Variants in WDR64 observed in about 807,000 individuals in gnomAD.
WDR64 encodes the protein WD repeat-containing protein 64.
Under a neutral mutation model 139.3 loss-of-function variants are expected in WDR64, and 112 were observed. That is an observed-to-expected ratio of 0.80 (90% CI 0.69 to 0.94). The LOEUF is 0.94. Ranked by LOEUF, WDR64 falls within the 40% of genes least tolerant of loss-of-function variation. The pLI is 0.00. For synonymous variants in WDR64, 444 were observed against 437.7 expected, an observed-to-expected ratio of 1.01 and a Z score of -0.18; for missense variants, 1,206 against 1,293.1, an observed-to-expected ratio of 0.93 and a Z score of 1.03.
chr1:241,679,532 A>C lies in WDR64; in HGVS notation c.561A>C (p.Arg187=). 6.4e-7 allele frequency: 1 copy of C among 1,551,602 alleles called. No individual in the cohort carries two copies. Among genetic ancestry groups the C allele is most frequent in the Non-Finnish European group, 8.7e-7 (1 of 1,146,892 alleles). Reference sequence around the variant, plus strand: ...GTGATTACCTCTTGCAGCTGAAACGAATCGTAGCCACAACCGAAAGGACCA... The same window carrying C: ...GTGATTACCTCTTGCAGCTGAAACGCATCGTAGCCACAACCGAAAGGACCA... ...TGCDYLLQLK[R]IVATTERTII... Residue 187 remains arginine (R), a synonymous_variant, in exon 6 of 28, where the codon CGA becomes CGC. Transcript: ENST00000437684.
chr1:241,703,367 C>T lies in WDR64; in HGVS notation c.975-8435C>T, dbSNP rs943393891. Among the ~76,000 whole-genome samples, 4 of 152,040 alleles carry T rather than the reference C, an allele frequency of 2.6e-5. No individual in the cohort carries two copies. The highest frequency in any genetic ancestry group is 6.5e-5 in the Admixed American group (1 of 15,270). On this transcript the variant is annotated intron_variant, in intron 8 of 27. Transcript: ENST00000437684. This position sits in a 1 kb window ranked among gnomAD's most constrained non-coding sequence, Gnocchi z 5.9. ...TGACTCTGCTTCTCTCCCTGCATCA[C>T]GCTCATTAATTCATGGAACAACAGG...
chr1:241,799,058 T>C (rs1434901356), intron 27 of WDR64, among the ~76,000 whole-genome samples: 1 of 152,008 alleles, frequency 6.6e-6, no homozygotes, highest in African/African-American at 2.4e-5. Context: ...ACATACTCCA[T>C]AGTTTTTCCA....
chr1:241,782,776 T>A (rs1574093879), intron 22 of WDR64, among the ~76,000 whole-genome samples: 1 of 152,304 alleles, frequency 6.6e-6, no homozygotes, highest in Middle Eastern at 3.4e-3. Context: ...ACTTATAGCA[T>A]GTATCTCCCA....
chr1:241,664,515 A>G (rs1051789615), intron 2 of WDR64, among the ~76,000 whole-genome samples: 1 of 152,246 alleles, frequency 6.6e-6, no homozygotes, highest in Admixed American at 6.5e-5. Context: ...TCTGTGATAA[A>G]TCCATTTACA....
rs1449320761 is a variant in WDR64 at position 241,703,881 on chromosome 1, A to G, written c.975-7921A>G. The stretch of plus-strand genomic sequence containing the variant: ...AGAGAGAAAAGTGAGCAAAAGAGGA[A>G]CTTGCCAAACACTTATAAAATCATC... On this transcript the variant is annotated intron_variant, in intron 8 of 27. Transcript: ENST00000437684. This position sits in a 1 kb window ranked among gnomAD's most constrained non-coding sequence, Gnocchi z 5.9. 1.3e-5 allele frequency among the ~76,000 whole-genome samples: 2 copies of G among 152,138 alleles called. No individual in the cohort carries two copies. Among genetic ancestry groups the G allele is most frequent in the African/African-American group, 2.4e-5 (1 of 41,420 alleles).
chr1:241,673,228 C>T (rs1666307883), intron 3 of WDR64, among the ~76,000 whole-genome samples: 1 of 151,712 alleles, frequency 6.6e-6, no homozygotes, highest in East Asian at 1.9e-4. Context: ...ACACCTAATG[C>T]TAAATGACGA....
chr1:241,716,363 C>A (rs1668403951), intron 9 of WDR64, among the ~76,000 whole-genome samples: 1 of 151,184 alleles, frequency 6.6e-6, no homozygotes. Flanking sequence ...ATTTTGGTGA[C>A]CATCAAGAAT....
At chr1:241,745,992 G>A (rs530689127) in intron 13 of WDR64, among the ~76,000 whole-genome samples, 3 of 152,166 alleles carry the variant, frequency 2.0e-5, no homozygotes, top group African/African-American at 7.2e-5. Context: ...ATGAGAACAC[G>A]ATAATGTCTT....
intron 3 of WDR64, 149 bp downstream of exon 3, chr1:241,671,325 T>C (rs1412202072): frequency 6.6e-6 from 4 of 605,798 alleles, no homozygotes; most frequent in South Asian, 4.5e-5. Context: ...GAGAGTTTCA[T>C]ATGCAGTATC....
chr1:241,760,409 T>C (rs562020920), intron 15 of WDR64, among the ~76,000 whole-genome samples: 2 of 148,156 alleles, frequency 1.3e-5, no homozygotes. Context: ...ACCGGAAGCC[T>C]CATCTACACC....
rs185753076 is a variant in WDR64 at position 241,664,983 on chromosome 1, G to A, written c.276+4323G>A. On this transcript the variant is annotated intron_variant, in intron 2 of 27. Transcript: ENST00000437684. ...AGGCCAAGGCAGGAGGATTGCTTGA[G>A]CCCAGGAGTTTGAGACCAGGCTGGG... Among the ~76,000 whole-genome samples, 315 of 152,130 alleles carry A rather than the reference G, an allele frequency of 2.1e-3. 1 individual carries two copies. The highest frequency in any genetic ancestry group is 3.4e-3 in the Non-Finnish European group (229 of 68,006).
intron 2 of WDR64, among the ~76,000 whole-genome samples, chr1:241,667,797 A>ACCTAC (rs1666076616): frequency 6.6e-6 from 1 of 152,226 alleles, no homozygotes; most frequent in South Asian, 2.1e-4. Context: ...TATTAGGAAA[A>ACCTAC]TGAGAGCCAT....
At chr1:241,794,502 C>CTTTTTTTTTTTT (rs1659299229) in intron 25 of WDR64, among the ~76,000 whole-genome samples, 1 of 105,024 alleles carries the variant, frequency 9.5e-6, no homozygotes, top group Non-Finnish European at 1.8e-5. Context: ...TTAAGCTTTA[C>CTTTTTTTTTTTT]TGTTTTTTTT....
At chr1:241,782,731 G>A (rs1395490129) in intron 22 of WDR64, among the ~76,000 whole-genome samples, 1 of 152,120 alleles carries the variant, frequency 6.6e-6, no homozygotes, top group African/African-American at 2.4e-5. Flanking sequence ...GTTTTTGAAA[G>A]AGAATGAAGC....
At chr1:241,750,918 T>C (rs114288078) in intron 14 of WDR64, among the ~76,000 whole-genome samples, 2 of 152,202 alleles carry the variant, frequency 1.3e-5, no homozygotes, top group Non-Finnish European at 2.9e-5. Context: ...TGGAGAACTT[T>C]TATTAATGTT....
chr1:241,679,014 C>A (rs946913629), intron 5 of WDR64, among the ~76,000 whole-genome samples: 7 of 152,200 alleles, frequency 4.6e-5, no homozygotes, highest in African/African-American at 1.7e-4. Flanking sequence ...CAAATCCTAG[C>A]CATGCCAGCT....
intron 20 of WDR64, among the ~76,000 whole-genome samples, chr1:241,774,262 A>G (rs1658569915): frequency 6.6e-6 from 1 of 152,210 alleles, no homozygotes; most frequent in Admixed American, 6.5e-5. Context: ...GCCAGATAAA[A>G]CTCTAAGTGT....
At chr1:241,770,226 G>GC (rs1396084614) in intron 17 of WDR64, among the ~76,000 whole-genome samples, 6 of 152,152 alleles carry the variant, frequency 3.9e-5, no homozygotes, top group African/African-American at 1.4e-4. Context: ...TCAGTGGAGT[G>GC]CCACAGACTA....
intron 4 of WDR64, chr1:241,677,226 T>G (rs1331657824): frequency 1.0e-5 from 4 of 397,364 alleles, no homozygotes. Context: ...GAGAGGACTT[T>G]AAACAGGTGA....
Sources: allele counts gnomAD v4.1 joint callset (sites outside exome capture counted in the v4.1 genomes callset), GRCh38; gene constraint gnomAD v4.1.1; non-coding constraint Gnocchi (gnomAD v3.1); transcripts MANE v1.5; gene names NCBI Gene and HGNC (gene_info 2026-07-23, HGNC 2026-07-21).